The following FUT8 variants were observed in gnomAD, a reference collection of about 807,000 sequenced individuals.
FUT8 encodes alpha-(1,6)-fucosyltransferase.
In FUT8, 29 loss-of-function variants were observed where a neutral mutation model predicts 71.3. That is an observed-to-expected ratio of 0.41 (90% confidence interval 0.30 to 0.55). The LOEUF (loss-of-function observed/expected upper bound fraction) is 0.55. Among genes scored for constraint, FUT8 ranks in the 20% least tolerant of loss-of-function variants. FUT8 has a pLI of 0.34. For missense variants in FUT8, 544 were observed against 702.1 expected (o/e 0.77, Z 2.55); for synonymous variants, 254 against 239.3 (o/e 1.06, Z -0.57).
chr14:65,629,390 G>C (rs944278087), intron 5 of FUT8, 102 bp from the exon 6 acceptor site: 1 of 692,288 alleles, frequency 1.4e-6, no homozygotes, highest in African/African-American at 1.8e-5. Flanking sequence ...GTCAATGCGA[G>C]CATCAATCTT....
chr14:65,606,615 G>A (rs889472568), intron 3 of FUT8, among the ~76,000 whole-genome samples: 2 of 151,768 alleles, frequency 1.3e-5, no homozygotes, highest in Non-Finnish European at 2.9e-5. Context: ...TGTGTCATAT[G>A]CTAAGATCTC....
At chr14:65,487,612 A>AT (rs955462536) in intron 2 of FUT8, among the ~76,000 whole-genome samples, 14 of 150,556 alleles carry the variant, frequency 9.3e-5, no homozygotes, top group African/African-American at 2.2e-4. Flanking sequence ...TTCACAGTAG[A>AT]TTTTTTTGTC....
At chr14:65,561,803 AT>A (rs1389838766) in intron 3 of FUT8, 37 bp downstream of exon 3, 1 of 1,549,108 alleles carries the variant, frequency 6.5e-7, no homozygotes, top group Admixed American at 1.7e-5. Flanking sequence ...ATGATGAAAT[AT>A]TGTACTTTGT....
chr14:65,583,365 C>A (rs1001659581), intron 3 of FUT8, among the ~76,000 whole-genome samples: 4 of 152,058 alleles, frequency 2.6e-5, no homozygotes, highest in Non-Finnish European at 4.4e-5. Flanking sequence ...GGTTTCATTA[C>A]ATTTGACTTT....
chr14:65,717,819 T>C (rs1594933307), intron 7 of FUT8, among the ~76,000 whole-genome samples: 1 of 152,332 alleles, frequency 6.6e-6, no homozygotes, highest in Non-Finnish European at 1.5e-5. Context: ...CTCACCTCCT[T>C]CTTTGTCCCT....
chr14:65,671,046 T>TA (rs1892451835), intron 7 of FUT8, among the ~76,000 whole-genome samples: 1 of 152,206 alleles, frequency 6.6e-6, no homozygotes, highest in Admixed American at 6.5e-5. Flanking sequence ...AGGAAGATAC[T>TA]AAATTTGTCA....
intron 1 of FUT8, among the ~76,000 whole-genome samples, chr14:65,454,925 A>G (rs2065875809): frequency 6.6e-6 from 1 of 152,222 alleles, no homozygotes; most frequent in African/African-American, 2.4e-5. Flanking sequence ...AAAAGACTGC[A>G]TGAGATGGTG....
chr14:65,588,787 C>A (rs1281553473), intron 3 of FUT8, among the ~76,000 whole-genome samples: 1 of 152,096 alleles, frequency 6.6e-6, no homozygotes, highest in Non-Finnish European at 1.5e-5. Flanking sequence ...TATAATTGTT[C>A]TATTTTATTA....
the FUT8 span, among the ~76,000 whole-genome samples, chr14:65,385,087 C>T: frequency 2.0e-5 from 3 of 151,434 alleles, no homozygotes; most frequent in Non-Finnish European, 4.4e-5. Flanking sequence ...TTAGTAGAGA[C>T]GGGATTTCTT....
intron 7 of FUT8, among the ~76,000 whole-genome samples, chr14:65,700,679 T>G (rs559753746): frequency 5.4e-4 from 82 of 152,204 alleles, no homozygotes; most frequent in African/African-American, 1.7e-3. Flanking sequence ...GATTACAGGC[T>G]TGAGCCACCA....
intron 5 of FUT8, chr14:65,617,206 A>G (rs781394736): frequency 6.6e-7 from 1 of 1,518,508 alleles, no homozygotes; most frequent in Non-Finnish European, 8.7e-7. Flanking sequence ...GAGATTTCAT[A>G]TTTATTAACA....
At chr14:65,653,283 C>T (rs768459790) in intron 6 of FUT8, among the ~76,000 whole-genome samples, 2 of 152,056 alleles carry the variant, frequency 1.3e-5, no homozygotes, top group African/African-American at 2.4e-5. Context: ...GCCTTATATA[C>T]ACCTCTATTA....
chr14:65,724,417 T>C (rs1895578248), intron 9 of FUT8, 94 bp downstream of exon 9: 1 of 705,716 alleles, frequency 1.4e-6, no homozygotes, highest in Admixed American at 3.3e-5. Context: ...TTGTATATTA[T>C]TATTGCTAAT....
rs1402320475 is a variant in FUT8, at chr14:65,606,207, G to A, written c.204-9771G>A. Among the ~76,000 whole-genome samples the A allele has an allele frequency of 4.6e-5, 7 of 150,898 alleles. 1 individual carries two copies. The highest frequency in any genetic ancestry group is 8.9e-5 in the Non-Finnish European group (6 of 67,634). ...CCTGCCTCAGCCTCCCGAGTAGTTGGGACTACAGGCGCCTGCCACCAACCC... is the reference window on the plus strand; with the variant it reads ...CCTGCCTCAGCCTCCCGAGTAGTTGAGACTACAGGCGCCTGCCACCAACCC... On this transcript the variant is annotated intron_variant, in intron 3 of 10. Coordinates refer to ENST00000673929, the MANE Select transcript of FUT8 (RefSeq NM_001371533.1).
chr14:65,692,049 C>T (rs1369450512), intron 7 of FUT8, among the ~76,000 whole-genome samples: 1 of 152,012 alleles, frequency 6.6e-6, no homozygotes. Context: ...CTTTTCCCCA[C>T]CTTTCCCCCC....
chr14:65,432,279 A>G (rs2065487787), intron 1 of FUT8, among the ~76,000 whole-genome samples: 1 of 152,154 alleles, frequency 6.6e-6, no homozygotes, highest in African/African-American at 2.4e-5. Flanking sequence ...CTATACTGTA[A>G]GTTCCTGAAC....
At chr14:65,381,082 G>A in the FUT8 span, among the ~76,000 whole-genome samples, 2,301 of 152,240 alleles carry the variant, frequency 0.015, 55 homozygotes, top group East Asian at 0.096. Context: ...TTTTACATTT[G>A]AAAGAAGAAC....
At chr14:65,614,167 A>T (rs2140215584) in intron 3 of FUT8, among the ~76,000 whole-genome samples, 1 of 152,206 alleles carries the variant, frequency 6.6e-6, no homozygotes, top group East Asian at 1.9e-4. Flanking sequence ...GCCAACTATA[A>T]TTTAAAACTT....
chr14:65,740,549 TG>T (rs1594955473), intron 10 of FUT8, among the ~76,000 whole-genome samples: 1 of 152,020 alleles, frequency 6.6e-6, no homozygotes, highest in Non-Finnish European at 1.5e-5. Context: ...GAGGTTTAAC[TG>T]GCTCATGGTT....
Sources: gnomAD v4.1 joint callset for allele counts (sites outside exome capture counted in the v4.1 genomes callset) on GRCh38, gnomAD v4.1.1 for gene constraint, MANE v1.5 for transcripts, NCBI Gene and HGNC (gene_info 2026-07-23, HGNC 2026-07-21) for gene names.